The following PM20D2 variants were observed in gnomAD, a reference collection of about 807,000 sequenced individuals.
PM20D2 encodes the protein xaa-Arg dipeptidase.
PM20D2 carries 33 observed loss-of-function variants against 42.9 expected under a neutral mutation model. That is an observed-to-expected ratio of 0.77 (90% confidence interval 0.58 to 1.03). The LOEUF (loss-of-function observed/expected upper bound fraction) is 1.03. PM20D2 is among the 50% of genes least tolerant of loss of function. The pLI is 0.00. For missense variants in PM20D2, 548 were observed against 557.0 expected (o/e 0.98, Z 0.16); for synonymous variants, 250 against 228.2 (o/e 1.10, Z -0.86).
the PM20D2 span, among the ~76,000 whole-genome samples, chr6:89,130,819 C>CCTTTTTTTTT: frequency 8.3e-5 from 2 of 24,038 alleles, no homozygotes; most frequent in African/African-American, 2.9e-4. Flanking sequence ...GCTTCTTCTT[C>CCTTTTTTTTT]TTTTTTTTTT....
chr6:89,115,895 A>G, the PM20D2 span, among the ~76,000 whole-genome samples: 3 of 152,092 alleles, frequency 2.0e-5, no homozygotes, highest in African/African-American at 7.2e-5. Flanking sequence ...TCAGCCTCCC[A>G]AAGTGCTGTG....
the PM20D2 span, chr6:89,117,816 C>G: frequency 6.4e-7 from 1 of 1,551,608 alleles, no homozygotes; most frequent in East Asian, 2.7e-5. Context: ...CAGCCGCGGC[C>G]GTTCACCTGG....
At chr6:89,116,268 G>A in the PM20D2 span, among the ~76,000 whole-genome samples, 2 of 152,184 alleles carry the variant, frequency 1.3e-5, no homozygotes, top group African/African-American at 4.8e-5. Context: ...CAGACACCCT[G>A]AAGAGGCTTG....
the PM20D2 span, among the ~76,000 whole-genome samples, chr6:89,129,412 A>G: frequency 1.3e-5 from 2 of 152,170 alleles, no homozygotes; most frequent in African/African-American, 4.8e-5. Flanking sequence ...TCAGCTCAGG[A>G]ATTTGAGGCT....
the PM20D2 span, among the ~76,000 whole-genome samples, chr6:89,099,376 T>A: frequency 8.9e-6 from 1 of 112,896 alleles, no homozygotes; most frequent in Admixed American, 9.5e-5. Context: ...AATCTTCCCA[T>A]AGAAAACAGC....
At chr6:89,135,656 T>C in the PM20D2 span, among the ~76,000 whole-genome samples, 1 of 151,282 alleles carries the variant, frequency 6.6e-6, no homozygotes, top group Admixed American at 6.6e-5. Context: ...TACTGCTAAG[T>C]TTGTACCCTA....
At chr6:89,106,545 T>A in the PM20D2 span, 4 of 157,964 alleles carry the variant, frequency 2.5e-5, no homozygotes, top group Admixed American at 2.4e-4. Context: ...TTATATAATA[T>A]TAAACCTAGC....
At chr6:89,137,129 A>G in the PM20D2 span, among the ~76,000 whole-genome samples, 4 of 146,056 alleles carry the variant, frequency 2.7e-5, 1 homozygote, top group African/African-American at 1.1e-4. Context: ...TATTAAATCA[A>G]CCAAAAACTA....
the PM20D2 span, chr6:89,105,277 A>G: frequency 1.3e-6 from 2 of 1,596,102 alleles, no homozygotes; most frequent in Non-Finnish European, 1.7e-6. Flanking sequence ...CATAAAGAAC[A>G]AGACTTATGA....
chr6:89,097,131 A>G, the PM20D2 span: 1 of 152,202 alleles, frequency 6.6e-6, no homozygotes, highest in South Asian at 2.1e-4. Flanking sequence ...TGGAATTTGT[A>G]TTCAAAACAA....
chr6:89,099,499 TGTGTGTATATATATATAC>T, the PM20D2 span, among the ~76,000 whole-genome samples: 39 of 85,564 alleles, frequency 4.6e-4, no homozygotes, highest in Admixed American at 1.9e-3. Flanking sequence ...TATATATATA[TGTGTGTATATATATATAC>T]ACACACACAC....
the PM20D2 span, among the ~76,000 whole-genome samples, chr6:89,124,879 G>A: frequency 0.17 from 26,401 of 151,508 alleles, 2,965 homozygotes; most frequent in East Asian, 0.61. Context: ...GGTGCTACAA[G>A]TGTGTACCAC....
At chr6:89,100,235 A>G in the PM20D2 span, among the ~76,000 whole-genome samples, 1 of 152,216 alleles carries the variant, frequency 6.6e-6, no homozygotes, top group Non-Finnish European at 1.5e-5. Context: ...ACTGCGCTGA[A>G]ATTTTTATCA....
chr6:89,114,803 T>C, the PM20D2 span, among the ~76,000 whole-genome samples: 1 of 152,216 alleles, frequency 6.6e-6, no homozygotes, highest in African/African-American at 2.4e-5. Flanking sequence ...TGCTTTTATT[T>C]TTTTAGTTTT....
the PM20D2 span, among the ~76,000 whole-genome samples, chr6:89,112,697 C>G: frequency 6.6e-6 from 1 of 152,062 alleles, no homozygotes; most frequent in Non-Finnish European, 1.5e-5. Flanking sequence ...CAAGCATAAG[C>G]CACTGAGCCT....
At chr6:89,108,688 G>C in the PM20D2 span, among the ~76,000 whole-genome samples, 1 of 152,192 alleles carries the variant, frequency 6.6e-6, no homozygotes, top group Non-Finnish European at 1.5e-5. Flanking sequence ...AGGAAGAAAA[G>C]AGGCAAAAGA....
intron 4 of PM20D2, among the ~76,000 whole-genome samples, chr6:89,156,819 TC>T (rs1771064888): frequency 6.6e-6 from 1 of 152,192 alleles, no homozygotes; most frequent in Admixed American, 6.5e-5. Flanking sequence ...TTGTAGTTAA[TC>T]GATAAACATA....
chr6:89,140,508 A>C, the PM20D2 span, among the ~76,000 whole-genome samples: 1 of 138,276 alleles, frequency 7.2e-6, no homozygotes, highest in Admixed American at 7.3e-5. Flanking sequence ...AATCTCTTCA[A>C]GGACTTTAAA....
In PM20D2 at chr6:89,163,699, C is replaced by T. The variant is rs1479628890; in HGVS notation, c.*1436C>T. ...GTGCAAAGTTTAAAATTATATGATT[C>T]TTAAAATACTGAATTAGTTTCTAAA... On this transcript the variant is annotated 3_prime_UTR_variant, in exon 7 of 7. Coordinates refer to ENST00000275072, the MANE Select transcript of PM20D2 (RefSeq NM_001010853.3). The T allele has an allele frequency of 6.6e-6, 1 of 152,020 alleles. No individual in the cohort carries two copies. The highest frequency in any genetic ancestry group is 1.5e-5 in the Non-Finnish European group (1 of 68,028). The allele number at this position is 152,020 out of a possible 1,614,324, so 9.4% of individuals were successfully genotyped here. A position where few individuals can be genotyped will look rare whatever the true frequency, so the allele number is the denominator to read the frequency against.
Sources: gnomAD v4.1 joint callset for allele counts (sites outside exome capture counted in the v4.1 genomes callset) on GRCh38, gnomAD v4.1.1 for gene constraint, MANE v1.5 for transcripts, NCBI Gene and HGNC (gene_info 2026-07-23, HGNC 2026-07-21) for gene names.